The following CNTNAP2 variants were observed in gnomAD, a reference collection of about 807,000 sequenced individuals.
The protein encoded by CNTNAP2 is contactin-associated protein-like 2.
Under a neutral mutation model 155.2 loss-of-function variants are expected in CNTNAP2, and 98 were observed. The observed-to-expected ratio is 0.63, with a 90% CI of 0.54 to 0.75. The LOEUF (loss-of-function observed/expected upper bound fraction) is 0.75. Ranked by LOEUF, CNTNAP2 falls within the 30% of genes least tolerant of loss-of-function variation. The probability of loss-of-function intolerance (pLI) is 0.00; values close to 1 mark genes in which losing one functional copy is unlikely to be tolerated. For synonymous variants in CNTNAP2, 651 were observed against 631.2 expected (o/e 1.03, Z -0.47); for missense variants, 1,727 against 1,688.1 (o/e 1.02, Z -0.40).
At chr7:146,262,410 T>G (rs1799931676) in intron 1 of CNTNAP2, among the ~76,000 whole-genome samples, 1 of 152,146 alleles carries the variant, frequency 6.6e-6, no homozygotes, top group Admixed American at 6.6e-5. Context: ...CTGGATAATT[T>G]CCTTCCCCTA....
chr7:147,453,312 C>G (rs1438884419), intron 10 of CNTNAP2, among the ~76,000 whole-genome samples: 1 of 152,160 alleles, frequency 6.6e-6, no homozygotes, highest in Admixed American at 6.5e-5. Flanking sequence ...GAGACACCGG[C>G]CTTCCTGCTT....
At chr7:147,818,956 C>T (rs1798318788) in intron 13 of CNTNAP2, among the ~76,000 whole-genome samples, 1 of 152,034 alleles carries the variant, frequency 6.6e-6, no homozygotes, top group African/African-American at 2.4e-5. Flanking sequence ...TTAAGTCAAG[C>T]AGAACTTCTA....
intron 9 of CNTNAP2, among the ~76,000 whole-genome samples, chr7:147,391,505 T>C (rs1340122874): frequency 1.3e-5 from 2 of 152,170 alleles, no homozygotes; most frequent in East Asian, 1.9e-4. Context: ...AATATAGTTA[T>C]CTTAAAAATG....
At chr7:147,299,740 G>C (rs983314844) in intron 8 of CNTNAP2, among the ~76,000 whole-genome samples, 1 of 152,204 alleles carries the variant, frequency 6.6e-6, no homozygotes, top group Non-Finnish European at 1.5e-5. Context: ...AAATTACTAA[G>C]TTAAAGTAGT....
intron 1 of CNTNAP2, among the ~76,000 whole-genome samples, chr7:146,770,679 A>ATTT (rs71525970): frequency 0.13 from 19,478 of 151,864 alleles, 1,762 homozygotes; most frequent in African/African-American, 0.25. Flanking sequence ...TTAAAAATTG[A>ATTT]TTTGATTTTT....
chr7:147,656,984 A>AAC (rs1374198274), intron 13 of CNTNAP2, among the ~76,000 whole-genome samples: 10 of 152,068 alleles, frequency 6.6e-5, no homozygotes, highest in East Asian at 1.9e-4. Context: ...ATATATAAAT[A>AAC]ACACACACAC....
chr7:147,065,272 T>A (rs1284779185), intron 4 of CNTNAP2, among the ~76,000 whole-genome samples: 2 of 152,164 alleles, frequency 1.3e-5, no homozygotes. Flanking sequence ...GTCTTGCACA[T>A]AGTAATTATT....
chr7:148,158,653 A>G (rs1045805476), intron 17 of CNTNAP2, among the ~76,000 whole-genome samples: 4 of 152,242 alleles, frequency 2.6e-5, no homozygotes, highest in Admixed American at 1.3e-4. Context: ...TACGGTGAAC[A>G]TTCTGAACCT....
Position 148,217,476 on chromosome 7 carries a change from A to G in CNTNAP2, c.3199A>G (p.Ile1067Val). The change falls in exon 19 of 24, where the codon ATC becomes GTC. Residue 1067 changes from isoleucine to valine, a missense_variant. Ile to Val is a conservative substitution (Grantham distance 29, BLOSUM62 3). Coordinates refer to ENST00000361727, the MANE Select transcript of CNTNAP2 (RefSeq NM_014141.6). Reference sequence around the variant, plus strand: ...CAAGGCGCCCTGCATTCTCCTCTACATCAGCTCCTTCACCACAGACTTCTT... The same window carrying G: ...CAAGGCGCCCTGCATTCTCCTCTACGTCAGCTCCTTCACCACAGACTTCTT... ...TTKAPCILLY[I>V]SSFTTDFLAV... 1 of 1,614,116 alleles carries G rather than the reference A, an allele frequency of 6.2e-7. No individual in the cohort carries two copies. The highest frequency in any genetic ancestry group is 8.5e-7 in the Non-Finnish European group (1 of 1,180,010).
intron 6 of CNTNAP2, among the ~76,000 whole-genome samples, chr7:147,126,702 A>G (rs370052024): frequency 1.4e-4 from 21 of 152,248 alleles, no homozygotes; most frequent in African/African-American, 5.1e-4. Context: ...CGAACTCCTG[A>G]TCTCAGGTGA....
intron 13 of CNTNAP2, among the ~76,000 whole-genome samples, chr7:147,871,481 G>C (rs980385549): frequency 1.3e-5 from 2 of 152,154 alleles, no homozygotes; most frequent in Admixed American, 1.3e-4. Context: ...AAAGACGTCA[G>C]TGCCAGAAGG....
At position 148,377,043 on chromosome 7, in the gene CNTNAP2, C is replaced by G. The variant is rs1798982742; in HGVS notation, c.3476-6606C>G. ...CTTCCCATTGATTTATTCCACTAAC[C>G]ATTTAGACTCCCGTTCATTCACCTA... is the stretch of plus-strand genomic sequence containing the variant. On this transcript the variant is annotated intron_variant, in intron 21 of 23. Coordinates refer to ENST00000361727, the MANE Select transcript of CNTNAP2 (RefSeq NM_014141.6). 3.0e-5 allele frequency among the ~76,000 whole-genome samples: 2 copies of G among 67,562 alleles called. 1 individual carries two copies. The highest frequency in any genetic ancestry group is 8.2e-4 in the South Asian group (2 of 2,432). The allele number at this position is 67,562 out of a possible 152,430, so 44.3% of individuals were successfully genotyped here.
intron 13 of CNTNAP2, among the ~76,000 whole-genome samples, chr7:147,839,665 C>A (rs1233767302): frequency 6.6e-6 from 1 of 152,072 alleles, no homozygotes; most frequent in South Asian, 2.1e-4. Context: ...AGTGTGACAA[C>A]CAAAATGTCT....
intron 8 of CNTNAP2, among the ~76,000 whole-genome samples, chr7:147,293,500 A>C (rs1268942004): frequency 1.3e-5 from 2 of 152,212 alleles, no homozygotes; most frequent in East Asian, 3.9e-4. Flanking sequence ...AACACATCAT[A>C]GAACCCTGTA....
intron 1 of CNTNAP2, among the ~76,000 whole-genome samples, chr7:146,536,939 T>TA (rs1797878426): frequency 6.6e-6 from 1 of 152,108 alleles, no homozygotes; most frequent in Admixed American, 6.6e-5. Flanking sequence ...ACTTAACCAT[T>TA]AAAATAATCC....
chr7:146,645,953 A>G (rs1023055846), intron 1 of CNTNAP2, among the ~76,000 whole-genome samples: 3 of 152,114 alleles, frequency 2.0e-5, no homozygotes, highest in African/African-American at 7.2e-5. Context: ...TTATCTAAAG[A>G]TACTGTCTGA....
At chr7:146,522,776 G>C (rs1797633259) in intron 1 of CNTNAP2, among the ~76,000 whole-genome samples, 1 of 149,304 alleles carries the variant, frequency 6.7e-6, no homozygotes, top group East Asian at 1.9e-4. Context: ...TATCTATTAT[G>C]TTTTAAAAAA....
chr7:148,006,419 A>G (rs959185946), intron 15 of CNTNAP2, among the ~76,000 whole-genome samples: 4 of 149,388 alleles, frequency 2.7e-5, no homozygotes, highest in South Asian at 2.1e-4. Context: ...TCCCAGGTTC[A>G]AGTGATTCTC....
intron 1 of CNTNAP2, among the ~76,000 whole-genome samples, chr7:146,566,833 G>T (rs1354204870): frequency 1.3e-5 from 2 of 152,042 alleles, no homozygotes; most frequent in African/African-American, 4.8e-5. Flanking sequence ...TCCTAGAAAG[G>T]TCTTCATAGT....
Sources: gnomAD v4.1 joint callset for allele counts (sites outside exome capture counted in the v4.1 genomes callset) on GRCh38, gnomAD v4.1.1 for gene constraint, MANE v1.5 for transcripts, NCBI Gene and HGNC (gene_info 2026-07-23, HGNC 2026-07-21) for gene names.